Variants in ESRRG observed in about 807,000 individuals in gnomAD.
The protein encoded by ESRRG is estrogen related receptor gamma, also known as estrogen-related receptor gamma.
ESRRG carries 13 observed loss-of-function variants against 44.0 expected under a neutral mutation model. The observed-to-expected ratio is 0.30, with a 90% CI of 0.19 to 0.47. The LOEUF (loss-of-function observed/expected upper bound fraction) is 0.47. ESRRG is among the 20% of genes least tolerant of loss of function. The probability of loss-of-function intolerance (pLI) is 1.00; values close to 1 mark genes in which losing one functional copy is unlikely to be tolerated. For synonymous variants in ESRRG, 215 were observed against 214.6 expected (o/e 1.00, Z -0.02); for missense variants, 395 against 580.6 (o/e 0.68, Z 3.29).
intron 1 of ESRRG, among the ~76,000 whole-genome samples, chr1:217,042,473 AAC>A (rs140559927): frequency 0.045 from 6,315 of 138,870 alleles, 195 homozygotes; most frequent in African/African-American, 0.091. Context: ...TACACACACA[AAC>A]ACACACACAC....
chr1:216,993,709 G>T (rs2150549855), intron 1 of ESRRG, among the ~76,000 whole-genome samples: 1 of 152,250 alleles, frequency 6.6e-6, no homozygotes, highest in Middle Eastern at 3.4e-3. Flanking sequence ...CCTGTTGAAT[G>T]ACTCACTCCT....
intron 1 of ESRRG, among the ~76,000 whole-genome samples, chr1:216,994,874 C>T (rs183845489): frequency 5.9e-5 from 9 of 152,140 alleles, no homozygotes; most frequent in African/African-American, 1.4e-4. Flanking sequence ...TGTGAGCCAC[C>T]GTGCCCGGCC....
At chr1:217,130,489 G>T (rs11117773) in intron 1 of ESRRG, among the ~76,000 whole-genome samples, 4,391 of 152,140 alleles carry the variant, frequency 0.029, 87 homozygotes, top group African/African-American at 0.032. Context: ...TCTCTCCTGG[G>T]CCTCCCAAAG....
chr1:216,963,876 GA>G (rs2069680291), intron 1 of ESRRG, among the ~76,000 whole-genome samples: 1 of 152,114 alleles, frequency 6.6e-6, no homozygotes, highest in African/African-American at 2.4e-5. Context: ...ATTAGGAAAA[GA>G]AGTGATCTGA....
chr1:216,762,168 C>A (rs1018314867), intron 2 of ESRRG, among the ~76,000 whole-genome samples: 5 of 152,032 alleles, frequency 3.3e-5, no homozygotes, highest in Admixed American at 2.0e-4. Context: ...ATTTCTAGAA[C>A]TAGAAATACC....
intron 1 of ESRRG, among the ~76,000 whole-genome samples, chr1:217,033,117 C>A (rs945521795): frequency 6.6e-6 from 1 of 152,176 alleles, no homozygotes; most frequent in African/African-American, 2.4e-5. Flanking sequence ...TGTGTCAAGT[C>A]CTCAGCAAGG....
intron 2 of ESRRG, among the ~76,000 whole-genome samples, chr1:216,865,938 A>G (rs2096149397): frequency 6.6e-6 from 1 of 152,190 alleles, no homozygotes; most frequent in African/African-American, 2.4e-5. Flanking sequence ...AGTAGTGCCA[A>G]CAAAAATGTT....
At chr1:216,689,118 T>G (rs540571670) in intron 1 of ESRRG, among the ~76,000 whole-genome samples, 1 of 152,320 alleles carries the variant, frequency 6.6e-6, no homozygotes, top group African/African-American at 2.4e-5. Context: ...AAGTGCTTTC[T>G]GCATCAGAGA....
intron 3 of ESRRG, among the ~76,000 whole-genome samples, chr1:216,615,583 T>A (rs570723220): frequency 1.3e-5 from 2 of 152,316 alleles, no homozygotes; most frequent in African/African-American, 2.4e-5. Context: ...CTGTGTTTGG[T>A]ATATGGCATT....
intron 2 of ESRRG, among the ~76,000 whole-genome samples, chr1:216,797,540 T>G (rs1421388789): frequency 6.6e-6 from 1 of 152,124 alleles, no homozygotes; most frequent in Admixed American, 6.5e-5. Context: ...AAACACAGGT[T>G]ACGTAAAGGG....
At chr1:216,896,302 C>T (rs899359871) in intron 2 of ESRRG, among the ~76,000 whole-genome samples, 5 of 152,088 alleles carry the variant, frequency 3.3e-5, no homozygotes, top group African/African-American at 1.2e-4. Context: ...GTCATATTTT[C>T]CATAGAATAA....
At chr1:216,996,297 G>A (rs775236086) in intron 1 of ESRRG, among the ~76,000 whole-genome samples, 8 of 152,040 alleles carry the variant, frequency 5.3e-5, no homozygotes, top group Non-Finnish European at 1.0e-4. Flanking sequence ...AGTATAAAAA[G>A]TGTACATGCA....
chr1:216,577,809 T>C (rs952746620), intron 3 of ESRRG, among the ~76,000 whole-genome samples: 1 of 151,930 alleles, frequency 6.6e-6, no homozygotes, highest in Non-Finnish European at 1.5e-5. Flanking sequence ...CAGAGAAAGG[T>C]GCCATATGAG....
In ESRRG at chr1:216,723,429, C is replaced by G; in HGVS notation, c.-130G>C. Reference sequence around the variant, plus strand: ...GGCACAGCCAGTTGGGACCAAAGCTCTCACACTCTCCTAATCAAGGACTTA... The same window carrying G: ...GGCACAGCCAGTTGGGACCAAAGCTGTCACACTCTCCTAATCAAGGACTTA... On this transcript the variant is annotated 5_prime_UTR_variant, in exon 1 of 7. Coordinates refer to ENST00000408911, the MANE Select transcript of ESRRG (RefSeq NM_001438.4). 3 of 789,536 alleles carry G rather than the reference C, an allele frequency of 3.8e-6. No individual in the cohort carries two copies. The highest frequency in any genetic ancestry group is 6.6e-6 in the Non-Finnish European group (3 of 456,642). 48.9% of individuals were successfully genotyped at this position (789,536 alleles called of 1,614,324 possible).
Position 216,544,240 on chromosome 1 carries a change from C to G in ESRRG, c.862+19979G>C, listed in dbSNP as rs563729297. ...AATAATAATTCAGAACTGCAAAGTG[C>G]AGAGACATTTCACATAGGTGAATTT... is the stretch of plus-strand genomic sequence containing the variant. On this transcript the variant is annotated intron_variant, in intron 5 of 6. Transcript: ENST00000408911. 6.6e-5 allele frequency among the ~76,000 whole-genome samples: 10 copies of G among 152,088 alleles called. No individual in the cohort carries two copies. In the South Asian group the frequency reaches 2.1e-3, roughly 32 times the overall value.
chr1:216,660,777 G>C, intron 2 of ESRRG, among the ~76,000 whole-genome samples: 1 of 152,010 alleles, frequency 6.6e-6, no homozygotes, highest in East Asian at 1.9e-4. Context: ...GATAGGATAG[G>C]GTTGCTTTTA....
intron 1 of ESRRG, among the ~76,000 whole-genome samples, chr1:217,106,139 G>A (rs147649634): frequency 2.3e-4 from 35 of 152,266 alleles, no homozygotes; most frequent in East Asian, 1.4e-3. Flanking sequence ...CTGAGATAAG[G>A]TTGATGTCTT....
intron 3 of ESRRG, among the ~76,000 whole-genome samples, chr1:216,624,288 A>G (rs1324637830): frequency 6.6e-6 from 1 of 152,220 alleles, no homozygotes; most frequent in Non-Finnish European, 1.5e-5. Flanking sequence ...ATCATTGCAA[A>G]GATGAAAAAG....
At chr1:217,026,999 G>A (rs984594406) in intron 1 of ESRRG, among the ~76,000 whole-genome samples, 1 of 151,094 alleles carries the variant, frequency 6.6e-6, no homozygotes, top group Non-Finnish European at 1.5e-5. Flanking sequence ...GATTTTCTCT[G>A]ACTATGTAAG....
Sources: gnomAD v4.1 joint callset for allele counts (sites outside exome capture counted in the v4.1 genomes callset) on GRCh38, gnomAD v4.1.1 for gene constraint, MANE v1.5 for transcripts, NCBI Gene and HGNC (gene_info 2026-07-23, HGNC 2026-07-21) for gene names.